Variants in INPP4B observed in about 807,000 individuals in gnomAD.
INPP4B encodes inositol polyphosphate 4-phosphatase type II.
In INPP4B, 55 loss-of-function variants were observed where a neutral mutation model predicts 122.5. The observed-to-expected ratio is 0.45, with a 90% CI of 0.36 to 0.56. The LOEUF (loss-of-function observed/expected upper bound fraction) is 0.56, where lower values mean the gene tolerates loss of function less well. INPP4B is among the 20% of genes least tolerant of loss of function. INPP4B has a pLI of 0.00. For missense variants in INPP4B, 1,000 were observed against 1,097.7 expected (o/e 0.91, Z 1.26); for synonymous variants, 403 against 388.7 (o/e 1.04, Z -0.43).
intron 14 of INPP4B, among the ~76,000 whole-genome samples, chr4:142,207,899 T>C (rs1026999400): frequency 6.6e-6 from 1 of 152,182 alleles, no homozygotes; most frequent in Non-Finnish European, 1.5e-5. Context: ...CAGAAAAACC[T>C]ATATATTTCT....
chr4:142,233,616 T>C (rs1855407977), intron 12 of INPP4B, among the ~76,000 whole-genome samples: 1 of 152,100 alleles, frequency 6.6e-6, no homozygotes, highest in Non-Finnish European at 1.5e-5. Flanking sequence ...GGGAAGTTGG[T>C]ACAAATAAAA....
chr4:142,366,287 G>T (rs1787438846), intron 7 of INPP4B, among the ~76,000 whole-genome samples: 1 of 151,178 alleles, frequency 6.6e-6, no homozygotes. Context: ...TCCTTTTTCG[G>T]ACTCAGCCGG....
chr4:142,138,989 T>C (rs557600966), intron 18 of INPP4B, among the ~76,000 whole-genome samples: 16 of 152,320 alleles, frequency 1.1e-4, no homozygotes, highest in South Asian at 4.1e-4. Flanking sequence ...ATCTATCTGC[T>C]AATGCCTCCC....
chr4:142,284,172 G>A (rs1321119311), intron 9 of INPP4B, among the ~76,000 whole-genome samples: 2 of 152,098 alleles, frequency 1.3e-5, no homozygotes, highest in Admixed American at 6.5e-5. Context: ...GGGAGGCAAA[G>A]TAGACATAGT....
intron 2 of INPP4B, among the ~76,000 whole-genome samples, chr4:142,694,138 C>T (rs1168908455): frequency 6.6e-6 from 1 of 151,856 alleles, no homozygotes; most frequent in African/African-American, 2.4e-5. Context: ...TTTGGGAGGC[C>T]GACGCAGGCA....
chr4:142,634,616 A>G (rs1236155888), intron 2 of INPP4B, among the ~76,000 whole-genome samples: 1 of 152,146 alleles, frequency 6.6e-6, no homozygotes, highest in Non-Finnish European at 1.5e-5. Context: ...TAAAACATTT[A>G]ACCAAATTTA....
chr4:142,587,697 CTT>C (rs1736533097), intron 2 of INPP4B, among the ~76,000 whole-genome samples: 1 of 152,030 alleles, frequency 6.6e-6, no homozygotes, highest in South Asian at 2.1e-4. Flanking sequence ...CTATTATACT[CTT>C]TTAGTTATTT....
intron 3 of INPP4B, among the ~76,000 whole-genome samples, chr4:142,452,063 C>A (rs1814389347): frequency 6.6e-6 from 1 of 152,186 alleles, no homozygotes. Flanking sequence ...AGCCCCCCAC[C>A]TGCCGACAGG....
intron 1 of INPP4B, among the ~76,000 whole-genome samples, chr4:142,828,241 A>T (rs1438211108): frequency 6.6e-6 from 1 of 152,178 alleles, no homozygotes; most frequent in African/African-American, 2.4e-5. Flanking sequence ...TTTAATGTCC[A>T]GGTATATGAG....
intron 2 of INPP4B, among the ~76,000 whole-genome samples, chr4:142,656,030 C>T (rs1754062854): frequency 6.6e-6 from 1 of 152,164 alleles, no homozygotes; most frequent in Non-Finnish European, 1.5e-5. Flanking sequence ...TGTAGTGAGA[C>T]AGCCAGGTGG....
chr4:142,780,886 T>C (rs906774066), intron 1 of INPP4B, among the ~76,000 whole-genome samples: 1 of 152,172 alleles, frequency 6.6e-6, no homozygotes, highest in African/African-American at 2.4e-5. Context: ...CTCATAAAGG[T>C]GTCAGAAGCT....
At chr4:142,713,519 A>C (rs1763369930) in intron 2 of INPP4B, among the ~76,000 whole-genome samples, 1 of 152,202 alleles carries the variant, frequency 6.6e-6, no homozygotes, top group Admixed American at 6.5e-5. Flanking sequence ...GAAACAGAGA[A>C]GTCTACTCTT....
At chr4:142,300,484 A>C (rs1240373013) in intron 9 of INPP4B, among the ~76,000 whole-genome samples, 1 of 152,204 alleles carries the variant, frequency 6.6e-6, no homozygotes, top group Non-Finnish European at 1.5e-5. Flanking sequence ...ATGCCAAAAA[A>C]TAAAAGCTTA....
intron 2 of INPP4B, among the ~76,000 whole-genome samples, chr4:142,550,777 C>A (rs1430837285): frequency 1.3e-5 from 2 of 151,942 alleles, no homozygotes; most frequent in African/African-American, 4.8e-5. Context: ...CTTATTTCCA[C>A]AAAAGCCCAG....
chr4:142,093,531 C>T (rs1780489268), intron 23 of INPP4B, among the ~76,000 whole-genome samples: 1 of 152,156 alleles, frequency 6.6e-6, no homozygotes, highest in Admixed American at 6.5e-5. Context: ...GCTTTCACTG[C>T]CTACTCTGGT....
intron 25 of INPP4B, among the ~76,000 whole-genome samples, chr4:142,079,999 T>C (rs944003763): frequency 2.0e-5 from 3 of 152,136 alleles, no homozygotes; most frequent in South Asian, 4.1e-4. Context: ...ATTTAGTGAT[T>C]ACCATGTGCC....
chr4:142,706,081 G>A (rs1001808777), intron 2 of INPP4B, among the ~76,000 whole-genome samples: 1 of 152,172 alleles, frequency 6.6e-6, no homozygotes, highest in Admixed American at 6.5e-5. Context: ...CTGTTATACT[G>A]ACAGGTAATT....
At chr4:142,102,787 G>A (rs1385509896) in intron 23 of INPP4B, among the ~76,000 whole-genome samples, 1 of 151,964 alleles carries the variant, frequency 6.6e-6, no homozygotes, top group Non-Finnish European at 1.5e-5. Flanking sequence ...GCTAGTCTCA[G>A]GGGGCCTCAT....
intron 15 of INPP4B, among the ~76,000 whole-genome samples, chr4:142,186,213 G>A (rs778106510): frequency 3.3e-5 from 5 of 152,066 alleles, no homozygotes; most frequent in South Asian, 2.1e-4. Flanking sequence ...AGCTAATATC[G>A]ATTAAGACTT....
Sources: allele counts gnomAD v4.1 joint callset (sites outside exome capture counted in the v4.1 genomes callset), GRCh38; gene constraint gnomAD v4.1.1; transcripts MANE v1.5; gene names NCBI Gene and HGNC (gene_info 2026-07-23, HGNC 2026-07-21).